Variants in SYTL2 observed in about 807,000 individuals in gnomAD.
SYTL2 encodes synaptotagmin like 2, also known as synaptotagmin-like protein 2.
In SYTL2, 165 loss-of-function variants were observed where a neutral mutation model predicts 198.7. The observed-to-expected ratio is 0.83, with a 90% CI of 0.73 to 0.94. The LOEUF (loss-of-function observed/expected upper bound fraction) is 0.94. SYTL2 is among the 40% of genes least tolerant of loss of function. SYTL2 has a pLI of 0.00. For missense variants in SYTL2, 2,835 were observed against 2,582.8 expected (o/e 1.10, Z -2.12); for synonymous variants, 966 against 917.7 (o/e 1.05, Z -0.95).
Position 85,726,595 on chromosome 11 carries a change from AG to A in SYTL2, c.2762del (p.Pro921LeufsTer31), listed in dbSNP as rs752387028. ...IKRSQVADSLPSRRNITLPAL... is the reference protein window; with the variant it reads ...IKRSQVADSLXSRRNITLPAL... ...CTGGTAAAGTAATGTTTCTTCTAGA[AG>A]GCAAACTGTCTGCCACTTGTGATCT... On this transcript the variant is annotated frameshift_variant, in exon 8 of 20. Coordinates refer to ENST00000359152, the MANE Select transcript of SYTL2 (RefSeq NM_206927.4). LOFTEE classifies it high-confidence loss of function. The A allele has an allele frequency of 1.3e-6, 2 of 1,562,358 alleles. No homozygotes were observed. The highest frequency in any genetic ancestry group is 2.3e-5 in the South Asian group (2 of 87,624).
At chr11:85,711,693 C>T (rs532441778) in intron 12 of SYTL2, among the ~76,000 whole-genome samples, 1 of 152,192 alleles carries the variant, frequency 6.6e-6, no homozygotes, top group Non-Finnish European at 1.5e-5. Context: ...AAATCTTTTA[C>T]TTGACACACT....
chr11:85,851,932 A>T, the SYTL2 span, among the ~76,000 whole-genome samples: 1 of 152,252 alleles, frequency 6.6e-6, no homozygotes, highest in Non-Finnish European at 1.5e-5. Context: ...ACAGAAGAAC[A>T]TTTATCAGAT....
intron 1 of SYTL2, among the ~76,000 whole-genome samples, chr11:85,805,503 T>C (rs1401454891): frequency 6.6e-6 from 1 of 152,182 alleles, no homozygotes; most frequent in Non-Finnish European, 1.5e-5. Flanking sequence ...AGGCAATAGA[T>C]TTGACTGAGG....
intron 1 of SYTL2, among the ~76,000 whole-genome samples, chr11:85,767,770 T>C (rs1382437958): frequency 6.6e-6 from 1 of 152,196 alleles, no homozygotes; most frequent in Non-Finnish European, 1.5e-5. Flanking sequence ...CTGATTTAAA[T>C]GGCCTGGGGT....
chr11:85,742,542 C>A (rs1170729989), intron 4 of SYTL2, among the ~76,000 whole-genome samples: 1 of 152,222 alleles, frequency 6.6e-6, no homozygotes, highest in Non-Finnish European at 1.5e-5. Flanking sequence ...CCCATCCATG[C>A]ACTGTTTGCC....
rs897125448 is a variant in SYTL2, at chr11:85,726,737, G to A, written c.2621C>T (p.Ser874Leu). The stretch of plus-strand genomic sequence containing the variant: ...TGGCTTGGTCTCTTTAGATTTATTT[G>A]AGGAATAAGAATTGGAGAGCTGGGA... ...QASQLSNSYS[S>L]NKSKETKPQI... Residue 874 changes from serine (S) to leucine (L), a missense_variant, in exon 8 of 20, where the codon TCA becomes TTA. Physicochemically the swap from Ser to Leu is moderately radical, Grantham distance 145. Coordinates refer to ENST00000359152, the MANE Select transcript of SYTL2 (RefSeq NM_206927.4). 1 of 1,536,076 alleles carries A rather than the reference G, an allele frequency of 6.5e-7. No individual in the cohort carries two copies. The highest frequency in any genetic ancestry group is 8.7e-7 in the Non-Finnish European group (1 of 1,146,888).
intron 17 of SYTL2, among the ~76,000 whole-genome samples, chr11:85,699,205 TA>T (rs2083876061): frequency 6.6e-6 from 1 of 152,226 alleles, no homozygotes; most frequent in Admixed American, 6.5e-5. Flanking sequence ...TGTAATGTTC[TA>T]GAAGATGATA....
chr11:85,795,697 A>C (rs2092794193), intron 1 of SYTL2, among the ~76,000 whole-genome samples: 1 of 152,234 alleles, frequency 6.6e-6, no homozygotes, highest in African/African-American at 2.4e-5. Context: ...CTACAATATA[A>C]AAATTTTCAC....
chr11:85,699,221 C>G (rs1289649713), intron 17 of SYTL2, among the ~76,000 whole-genome samples: 1 of 152,134 alleles, frequency 6.6e-6, no homozygotes, highest in Non-Finnish European at 1.5e-5. Context: ...ATGATATGAT[C>G]AGTGAGATCT....
At chr11:85,697,775 T>C (rs1191236215) in intron 18 of SYTL2, among the ~76,000 whole-genome samples, 2 of 152,232 alleles carry the variant, frequency 1.3e-5, no homozygotes, top group Non-Finnish European at 2.9e-5. Context: ...CTAGTTTCAT[T>C]TGACCTCTTA....
chr11:85,770,618 T>C (rs531364989), intron 1 of SYTL2, among the ~76,000 whole-genome samples: 2 of 152,296 alleles, frequency 1.3e-5, no homozygotes, highest in South Asian at 4.2e-4. Context: ...AGCCCATCCA[T>C]TCCCCACATA....
At chr11:85,833,090 A>AAGGAAG in the SYTL2 span, among the ~76,000 whole-genome samples, 1 of 39,448 alleles carries the variant, frequency 2.5e-5, no homozygotes, top group Non-Finnish European at 5.8e-5. Flanking sequence ...AAAGAAAGAA[A>AAGGAAG]GAAAGAAAGA....
the SYTL2 span, among the ~76,000 whole-genome samples, chr11:85,821,959 G>GCCCTGGCCATTTCCA: frequency 0.027 from 4,060 of 152,238 alleles, 183 homozygotes; most frequent in African/African-American, 0.094. Flanking sequence ...CAGCACTGGG[G>GCCCTGGCCATTTCCA]CCCTGGCCAT....
At chr11:85,778,083 T>C (rs1457901171) in intron 1 of SYTL2, among the ~76,000 whole-genome samples, 1 of 152,122 alleles carries the variant, frequency 6.6e-6, no homozygotes, top group Non-Finnish European at 1.5e-5. Flanking sequence ...CCTCCCAAAC[T>C]GCTGGGATTA....
intron 16 of SYTL2, among the ~76,000 whole-genome samples, chr11:85,702,191 A>ATT (rs35728321): frequency 0.027 from 3,893 of 141,996 alleles, 81 homozygotes; most frequent in Admixed American, 0.044. Context: ...TAGTGGGTCT[A>ATT]TTTTTTTTTT....
At position 85,704,870 on chromosome 11, in the gene SYTL2, A is replaced by T. The variant is rs1393539656; in HGVS notation, c.6177T>A (p.Pro2059=). 1.2e-6 allele frequency: 2 copies of T among 1,612,806 alleles called. No individual in the cohort carries two copies. Among genetic ancestry groups the T allele is most frequent in the Non-Finnish European group, 8.5e-7 (1 of 1,179,326 alleles). Residue 2059 remains proline, a synonymous_variant, in exon 16 of 20, where the codon CCT becomes CCA. Coordinates refer to ENST00000359152, the MANE Select transcript of SYTL2 (RefSeq NM_206927.4). ...ATTCCGGACTCACCTTCCGCTTCAG[A>T]GGGTACCATCTCAATTGTTTATTCT... ...NKQNKQLRWY[P]LKRKTAPVAL...
At chr11:85,845,474 C>A in the SYTL2 span, among the ~76,000 whole-genome samples, 1 of 152,130 alleles carries the variant, frequency 6.6e-6, no homozygotes, top group Non-Finnish European at 1.5e-5. Context: ...TTTAAAACAA[C>A]AACCTGGGCT....
At chr11:85,747,033 G>A (rs681044) in intron 3 of SYTL2, among the ~76,000 whole-genome samples, 109,920 of 152,158 alleles carry the variant, frequency 0.72, 40,235 homozygotes, top group African/African-American at 0.84. Flanking sequence ...AAAAGATGAT[G>A]GCTATTTTCC....
At chr11:85,791,296 T>A (rs2153627398) in intron 1 of SYTL2, among the ~76,000 whole-genome samples, 1 of 151,458 alleles carries the variant, frequency 6.6e-6, no homozygotes, top group East Asian at 2.0e-4. Flanking sequence ...TATACAAAAT[T>A]CCACAAAGAA....
Sources: gnomAD v4.1 joint callset for allele counts (sites outside exome capture counted in the v4.1 genomes callset) on GRCh38, gnomAD v4.1.1 for gene constraint, MANE v1.5 for transcripts, NCBI Gene and HGNC (gene_info 2026-07-23, HGNC 2026-07-21) for gene names.